SHANK2: variants seen among roughly 807,000 people sequenced by gnomAD.
SHANK2 encodes SH3 and multiple ankyrin repeat domains protein 2.
SHANK2 carries 43 observed loss-of-function variants against 133.7 expected under a neutral mutation model. The observed-to-expected ratio is 0.32, with a 90% CI of 0.25 to 0.41. SHANK2 has a LOEUF of 0.41. Ranked by LOEUF, SHANK2 falls within the 10% of genes least tolerant of loss-of-function variation. SHANK2 has a pLI of 1.00. For missense variants in SHANK2, 1,994 were observed against 2,235.8 expected (o/e 0.89, Z 2.18); for synonymous variants, 1,017 against 952.8 (o/e 1.07, Z -1.24).
At chr11:70,666,777 A>G (rs563005595) in intron 15 of SHANK2, among the ~76,000 whole-genome samples, 2 of 152,300 alleles carry the variant, frequency 1.3e-5, no homozygotes, top group African/African-American at 4.8e-5. Context: ...TGCCTGAAGT[A>G]GGCACTGTGG....
At chr11:70,565,215 T>TCATA in intron 17 of SHANK2, among the ~76,000 whole-genome samples, 1 of 149,122 alleles carries the variant, frequency 6.7e-6, no homozygotes, top group South Asian at 2.2e-4. Context: ...GGAAGCAGTT[T>TCATA]CATCCATCCA....
chr11:70,944,304 C>T (rs1469963141), intron 10 of SHANK2, among the ~76,000 whole-genome samples: 12 of 152,190 alleles, frequency 7.9e-5, no homozygotes, highest in Non-Finnish European at 4.4e-5. Context: ...CCCACCTAGG[C>T]CGAAGCTCCA....
At chr11:70,567,244 T>C (rs1158310713) in intron 17 of SHANK2, among the ~76,000 whole-genome samples, 3 of 152,204 alleles carry the variant, frequency 2.0e-5, no homozygotes, top group Non-Finnish European at 4.4e-5. Flanking sequence ...GGTGTGACTC[T>C]ATATGGAGAC....
intron 25 of SHANK2, among the ~76,000 whole-genome samples, chr11:70,483,873 T>C (rs1334809134): frequency 2.0e-5 from 3 of 152,222 alleles, no homozygotes; most frequent in Admixed American, 6.5e-5. Flanking sequence ...TTTAGAGTAA[T>C]AGATGACATC....
chr11:70,597,804 C>T lies in SHANK2; in HGVS notation c.2061+62024G>A, dbSNP rs1188808726. ...AGGAAAATTGCTTGAACCCAGGAAG[C>T]GGAGGTTGCGGTGAGCTGAGATCGC... On this transcript the variant is annotated intron_variant, in intron 17 of 25. Transcript: ENST00000601538. 3.3e-5 allele frequency among the ~76,000 whole-genome samples: 5 copies of T among 152,272 alleles called. No homozygotes were observed. In the East Asian group the frequency reaches 7.7e-4, roughly 24 times the overall value.
chr11:70,865,562 T>C (rs908279834), intron 11 of SHANK2, among the ~76,000 whole-genome samples: 1 of 152,036 alleles, frequency 6.6e-6, no homozygotes, highest in African/African-American at 2.4e-5. Context: ...CAACCGCCCA[T>C]TGGATGGAGG....
At chr11:70,747,805 T>C (rs562661032) in intron 14 of SHANK2, among the ~76,000 whole-genome samples, 1 of 152,222 alleles carries the variant, frequency 6.6e-6, no homozygotes, top group Non-Finnish European at 1.5e-5. Flanking sequence ...TGTGCATGTT[T>C]GTGAGTGTCC....
rs1351071532 is a variant in SHANK2, at chr11:70,800,008, A to T, written c.1664-1452T>A. Among the ~76,000 whole-genome samples the T allele has an allele frequency of 2.0e-5, 3 of 151,914 alleles. No homozygotes were observed. In the South Asian group the frequency reaches 6.2e-4, roughly 31 times the overall value. On this transcript the variant is annotated intron_variant, in intron 13 of 25. Transcript: ENST00000601538. ...TGCAGTGGCAAAGTGAGGAAGGAAA[A>T]TCTTTATATCTTAGGGTTTTTTTTT...
At chr11:70,887,015 A>G (rs1949757200) in intron 11 of SHANK2, among the ~76,000 whole-genome samples, 1 of 152,228 alleles carries the variant, frequency 6.6e-6, no homozygotes, top group South Asian at 2.1e-4. Flanking sequence ...TCCATCTGAC[A>G]GTGCATCTCC....
At chr11:70,925,079 A>G (rs541355775) in intron 10 of SHANK2, among the ~76,000 whole-genome samples, 8 of 152,250 alleles carry the variant, frequency 5.3e-5, no homozygotes, top group African/African-American at 1.7e-4. Flanking sequence ...ACAACTCTCC[A>G]TGGCGGTCGA....
At chr11:70,897,113 A>G (rs1949947523) in intron 10 of SHANK2, among the ~76,000 whole-genome samples, 3 of 152,212 alleles carry the variant, frequency 2.0e-5, no homozygotes, top group African/African-American at 7.2e-5. Flanking sequence ...CCTACAGGAA[A>G]TTGTTCCAAC....
chr11:71,155,483 G>A (rs1281093639), intron 2 of SHANK2, among the ~76,000 whole-genome samples: 5 of 151,688 alleles, frequency 3.3e-5, no homozygotes, highest in African/African-American at 1.2e-4. Context: ...GCTCCCAGAG[G>A]AGGGATGGAC....
intron 17 of SHANK2, among the ~76,000 whole-genome samples, chr11:70,539,193 G>A (rs1404678474): frequency 1.3e-5 from 2 of 152,176 alleles, no homozygotes; most frequent in African/African-American, 4.8e-5. Context: ...GGCAGAGCGT[G>A]CACGGCCGAC....
chr11:70,687,535 GC>G (rs1167471132), intron 15 of SHANK2, among the ~76,000 whole-genome samples: 1 of 141,168 alleles, frequency 7.1e-6, no homozygotes, highest in Admixed American at 7.8e-5. Flanking sequence ...ATCAGTAAAT[GC>G]TACCAATCAA....
intron 11 of SHANK2, chr11:70,826,336 T>C (rs572302911): frequency 5.1e-5 from 21 of 414,966 alleles, no homozygotes; most frequent in African/African-American, 3.9e-4. Flanking sequence ...AAAGTCATTA[T>C]CCCCTGACAT....
At chr11:70,634,305 A>C (rs1246838948) in intron 17 of SHANK2, 2 of 152,174 alleles carry the variant, frequency 1.3e-5, no homozygotes, top group Non-Finnish European at 2.9e-5. Context: ...TGAAGAAAAA[A>C]AAAAGAATAA....
At chr11:71,061,453 G>A (rs1339554803) in intron 9 of SHANK2, among the ~76,000 whole-genome samples, 3 of 152,220 alleles carry the variant, frequency 2.0e-5, no homozygotes, top group African/African-American at 7.2e-5. Flanking sequence ...AGTGCAGGGT[G>A]ATAACCAGCT....
At chr11:70,700,627 G>GC (rs1945497967) in intron 14 of SHANK2, among the ~76,000 whole-genome samples, 1 of 152,150 alleles carries the variant, frequency 6.6e-6, no homozygotes, top group Non-Finnish European at 1.5e-5. Context: ...GGACACCTGT[G>GC]CCCCCCTCCT....
chr11:70,600,386 T>C, intron 17 of SHANK2, among the ~76,000 whole-genome samples: 1 of 123,446 alleles, frequency 8.1e-6, no homozygotes. Context: ...GCCACTGCAC[T>C]CCAGCCTGGG....
Sources: gnomAD v4.1 joint callset for allele counts (sites outside exome capture counted in the v4.1 genomes callset) on GRCh38, gnomAD v4.1.1 for gene constraint, MANE v1.5 for transcripts, NCBI Gene and HGNC (gene_info 2026-07-23, HGNC 2026-07-21) for gene names.